CSMD1: variants seen among roughly 807,000 people sequenced by gnomAD.
CSMD1 encodes the protein CUB and Sushi multiple domains 1.
A neutral mutation model predicts 417.5 loss-of-function variants in CSMD1; 213 were observed. The observed-to-expected ratio is 0.51, with a 90% CI of 0.46 to 0.57. The LOEUF (loss-of-function observed/expected upper bound fraction) is 0.57. CSMD1 is among the 20% of genes least tolerant of loss of function. The pLI is 0.00. For missense variants in CSMD1, 6,923 were observed against 4,529.7 expected, an observed-to-expected ratio of 1.53 and a Z score of -15.17; for synonymous variants, 2,862 against 1,736.8, an observed-to-expected ratio of 1.65 and a Z score of -16.11.
intron 10 of CSMD1, among the ~76,000 whole-genome samples, chr8:3,502,728 G>T (rs1255535269): frequency 6.6e-6 from 1 of 152,192 alleles, no homozygotes; most frequent in Non-Finnish European, 1.5e-5. Flanking sequence ...TGAAGAGCAG[G>T]AGCACAGAGG....
chr8:3,405,264 T>C (rs1274071089), intron 15 of CSMD1, among the ~76,000 whole-genome samples: 4 of 152,200 alleles, frequency 2.6e-5, no homozygotes, highest in Non-Finnish European at 4.4e-5. Context: ...TCTTAGCTTA[T>C]TGCGCACTGA....
At chr8:3,331,733 G>A (rs751821624) in intron 23 of CSMD1, among the ~76,000 whole-genome samples, 1 of 152,218 alleles carries the variant, frequency 6.6e-6, no homozygotes, top group Non-Finnish European at 1.5e-5. Flanking sequence ...TACCTGGAAT[G>A]AACTTGGTAT....
intron 6 of CSMD1, among the ~76,000 whole-genome samples, chr8:3,719,717 C>A: frequency 6.6e-6 from 1 of 152,272 alleles, no homozygotes; most frequent in Non-Finnish European, 1.5e-5. Flanking sequence ...CCCATACCAG[C>A]CACATATTAT....
At chr8:4,888,376 G>C (rs1396978113) in intron 1 of CSMD1, among the ~76,000 whole-genome samples, 1 of 151,774 alleles carries the variant, frequency 6.6e-6, no homozygotes, top group Non-Finnish European at 1.5e-5. Context: ...AAAAAATGAG[G>C]AGATATATGT....
intron 4 of CSMD1, among the ~76,000 whole-genome samples, chr8:4,000,271 C>A (rs972624915): frequency 6.6e-6 from 1 of 152,072 alleles, no homozygotes; most frequent in East Asian, 1.9e-4. Context: ...AGCACACACA[C>A]TTCCCTGGTC....
At chr8:3,143,170 GTTTGTCTGTTTAT>G (rs1250064110) in intron 40 of CSMD1, among the ~76,000 whole-genome samples, 2 of 152,216 alleles carry the variant, frequency 1.3e-5, no homozygotes, top group East Asian at 1.9e-4. Context: ...TTTATTTTGT[GTTTGTCTGTTTAT>G]TTTGTCTGTT....
chr8:4,033,091 T>G (rs185369808), intron 3 of CSMD1, among the ~76,000 whole-genome samples: 1 of 146,286 alleles, frequency 6.8e-6, no homozygotes, highest in South Asian at 2.1e-4. Flanking sequence ...TTCCATGTCT[T>G]TAGACAATAA....
chr8:3,285,723 T>C (rs1204945115), intron 25 of CSMD1, among the ~76,000 whole-genome samples: 3 of 151,962 alleles, frequency 2.0e-5, no homozygotes, highest in Admixed American at 6.6e-5. Flanking sequence ...AAACAAAAAA[T>C]CTTATACATG....
chr8:3,700,598 A>G (rs1800803804), intron 7 of CSMD1: 1 of 152,170 alleles, frequency 6.6e-6, no homozygotes, highest in Non-Finnish European at 1.5e-5. Context: ...GATACATGAT[A>G]TTTAGTTAGG....
intron 1 of CSMD1, among the ~76,000 whole-genome samples, chr8:4,972,103 C>T (rs1182107559): frequency 6.6e-6 from 1 of 152,110 alleles, no homozygotes; most frequent in Non-Finnish European, 1.5e-5. Context: ...TCAAGCCTAT[C>T]TGATAAAAGA....
intron 18 of CSMD1, among the ~76,000 whole-genome samples, chr8:3,379,072 CG>C (rs1563327820): frequency 6.6e-6 from 1 of 152,090 alleles, no homozygotes. Flanking sequence ...TATCAATGTG[CG>C]AAAAGCACAA....
intron 5 of CSMD1, among the ~76,000 whole-genome samples, chr8:3,866,837 A>C (rs1176783325): frequency 3.9e-5 from 6 of 152,134 alleles, no homozygotes; most frequent in African/African-American, 1.4e-4. Context: ...GGTATTAATC[A>C]ACTAAATTTA....
rs566082166 is a variant in CSMD1 at position 4,150,203 on chromosome 8, G to A, written c.416-118104C>T. Among the ~76,000 whole-genome samples the A allele has an allele frequency of 4.6e-5, 7 of 152,278 alleles. No individual in the cohort carries two copies. In the East Asian group the frequency reaches 1.2e-3, roughly 25 times the overall value. Reference sequence around the variant, plus strand: ...CTGAGGCATCTGTCTTGTAGTCACAGGATCGGCCCCAGGAAAACAGGGCCA... The same window carrying A: ...CTGAGGCATCTGTCTTGTAGTCACAAGATCGGCCCCAGGAAAACAGGGCCA... On this transcript the variant is annotated intron_variant, in intron 3 of 69. Coordinates refer to ENST00000635120, the MANE Select transcript of CSMD1 (RefSeq NM_033225.6).
intron 1 of CSMD1, among the ~76,000 whole-genome samples, chr8:4,728,771 A>T (rs1316773309): frequency 6.6e-6 from 1 of 152,280 alleles, no homozygotes; most frequent in African/African-American, 2.4e-5. Context: ...AAAAAAAAAT[A>T]ACCAGATGTC....
At position 4,183,333 on chromosome 8, in the gene CSMD1, G is replaced by C. The variant is rs533054369; in HGVS notation, c.416-151234C>G. Among the ~76,000 whole-genome samples the C allele has an allele frequency of 9.9e-5, 15 of 152,238 alleles. No individual in the cohort carries two copies. The East Asian group carries it at 2.5e-3, about 25-fold the overall frequency. The stretch of plus-strand genomic sequence containing the variant: ...AATATATTTAAAATAATTTATTCAT[G>C]TCTGATGATTACCACTGAAGTAATC... On this transcript the variant is annotated intron_variant, in intron 3 of 69. Coordinates refer to ENST00000635120, the MANE Select transcript of CSMD1 (RefSeq NM_033225.6).
At chr8:3,869,547 G>A (rs1050886465) in intron 5 of CSMD1, among the ~76,000 whole-genome samples, 8 of 152,160 alleles carry the variant, frequency 5.3e-5, no homozygotes, top group Non-Finnish European at 1.0e-4. Context: ...TCCTGAGAGT[G>A]CCTGACTTGG....
rs533954563 is a variant in CSMD1 at position 4,260,675 on chromosome 8, G to C, written c.415+159278C>G. Among the ~76,000 whole-genome samples, 4 of 152,172 alleles carry C rather than the reference G, an allele frequency of 2.6e-5. No individual in the cohort carries two copies. The South Asian group carries it at 6.2e-4, about 24-fold the overall frequency. Reference sequence around the variant, plus strand: ...ATTTTCATATAATTTCAGTTTTTGCGAGAGGTTAATCCAAAATTCCCATGT... The same window carrying C: ...ATTTTCATATAATTTCAGTTTTTGCCAGAGGTTAATCCAAAATTCCCATGT... On this transcript the variant is annotated intron_variant, in intron 3 of 69. Coordinates refer to ENST00000635120, the MANE Select transcript of CSMD1 (RefSeq NM_033225.6).
chr8:4,859,340 C>G (rs1044470984), intron 1 of CSMD1, among the ~76,000 whole-genome samples: 25 of 152,140 alleles, frequency 1.6e-4, no homozygotes, highest in Non-Finnish European at 3.4e-4. Flanking sequence ...CATTACCATT[C>G]AGGACATAGG....
intron 5 of CSMD1, among the ~76,000 whole-genome samples, chr8:3,890,399 A>T (rs1398075898): frequency 2.0e-5 from 3 of 152,076 alleles, no homozygotes; most frequent in Non-Finnish European, 4.4e-5. Flanking sequence ...AACAAAGACA[A>T]AGGGGACATC....
Sources: gnomAD v4.1 joint callset for allele counts (sites outside exome capture counted in the v4.1 genomes callset) on GRCh38, gnomAD v4.1.1 for gene constraint, MANE v1.5 for transcripts, NCBI Gene and HGNC (gene_info 2026-07-23, HGNC 2026-07-21) for gene names.